Variants in NAPA observed in about 807,000 individuals in gnomAD.
The protein encoded by NAPA is alpha-soluble NSF attachment protein.
A neutral mutation model predicts 48.0 loss-of-function variants in NAPA; 18 were observed. That is an observed-to-expected ratio of 0.38 (90% CI 0.26 to 0.56). NAPA has a LOEUF of 0.56. Ranked by LOEUF, NAPA falls within the 20% of genes least tolerant of loss-of-function variation. The pLI is 0.77. For synonymous variants in NAPA, 152 were observed against 149.9 expected, an observed-to-expected ratio of 1.01 and a Z score of -0.10; for missense variants, 315 against 385.0, an observed-to-expected ratio of 0.82 and a Z score of 1.52.
intron 3 of NAPA, chr19:47,496,916 TGA>T (rs1968440959): frequency 2.2e-6 from 1 of 452,178 alleles, no homozygotes; most frequent in East Asian, 7.0e-5. Flanking sequence ...TAAAAGGGAC[TGA>T]GAGAAGGTAC....
chr19:47,502,646 T>A (rs1006898047), intron 2 of NAPA, among the ~76,000 whole-genome samples: 1 of 152,310 alleles, frequency 6.6e-6, no homozygotes. Flanking sequence ...CTTGCCGTAT[T>A]TCCTTAATTC....
At chr19:47,491,374 TGTGTGTGTG>T (rs1300900336) in intron 8 of NAPA, 1 of 157,684 alleles carries the variant, frequency 6.3e-6, no homozygotes, top group African/African-American at 2.4e-5. Context: ...CTGTGGGGTG[TGTGTGTGTG>T]GGGTGTGTGG....
chr19:47,504,579 C>T (rs114700131), intron 1 of NAPA, among the ~76,000 whole-genome samples: 2,255 of 151,612 alleles, frequency 0.015, 40 homozygotes, highest in Middle Eastern at 0.054. Flanking sequence ...CTGGACATCC[C>T]GTATTTGTAC....
chr19:47,500,361 T>G (rs1384756010), intron 3 of NAPA, among the ~76,000 whole-genome samples: 1 of 152,150 alleles, frequency 6.6e-6, no homozygotes, highest in Non-Finnish European at 1.5e-5. Flanking sequence ...CACTCCCAAA[T>G]GCTCCGGGAT....
Position 47,515,057 on chromosome 19 carries a change from G to T in NAPA, c.-117C>A. On this transcript the variant is annotated 5_prime_UTR_variant, in exon 1 of 11. Coordinates refer to ENST00000263354, the MANE Select transcript of NAPA (RefSeq NM_003827.4). The stretch of plus-strand genomic sequence containing the variant: ...CGCCCGGCTGCGTTGACGTCGCACC[G>T]GCGCGCGTCGCTTGCGGCCAGGAAC... 1.9e-6 allele frequency: 2 copies of T among 1,052,562 alleles called. No homozygotes were observed. Among genetic ancestry groups the T allele is most frequent in the South Asian group, 3.0e-5 (2 of 66,158 alleles). The allele number at this position is 1,052,562 out of a possible 1,614,324, so 65.2% of individuals were successfully genotyped here. A position where few individuals can be genotyped will look rare whatever the true frequency, so the allele number is the denominator to read the frequency against.
downstream of NAPA, chr19:47,487,624 G>C (rs1212330342): frequency 6.6e-6 from 1 of 152,402 alleles, no homozygotes; most frequent in African/African-American, 2.4e-5. Flanking sequence ...CAGAGGTGAG[G>C]AGGAAGAGAG....
chr19:47,514,844 C>CA lies in NAPA; in HGVS notation c.96dup (p.Gly33TrpfsTer70). On this transcript the variant is annotated frameshift_variant and splice_region_variant, in exon 1 of 11. Transcript: ENST00000263354. LOFTEE classifies it high-confidence loss of function. ...CCGACCCCTCAGCCCGGTTCTCACC[C>CA]AAAGAGGCCAGAGAAGAAGGACTGC... 6.2e-7 allele frequency: 1 copy of CA among 1,613,830 alleles called. No homozygotes were observed. Among genetic ancestry groups the CA allele is most frequent in the Non-Finnish European group, 8.5e-7 (1 of 1,179,868 alleles).
rs754311460 is a variant in NAPA, at chr19:47,500,638, G to A, written c.290C>T (p.Pro97Leu). 1.2e-6 allele frequency: 2 copies of A among 1,608,000 alleles called. No individual in the cohort carries two copies. The highest frequency in any genetic ancestry group is 1.1e-5 in the South Asian group (1 of 90,124). ...DAGNAFKKAD[P>L]QEAINCLMRA... ...TGGCCCGCAGAGGCCCTCACCTTGG[G>A]GGTCGGCTTTCTTGAATGCGTTGCC... Residue 97 changes from proline (P) to leucine (L), a missense_variant, in exon 3 of 11, where the codon CCC (proline) becomes CTC (leucine). This residue lies in a region of NAPA where 173 missense variants were observed against 213.5 expected (regional missense o/e 0.81). Coordinates refer to ENST00000263354, the MANE Select transcript of NAPA (RefSeq NM_003827.4).
At chr19:47,502,827 G>T (rs1399459191) in intron 2 of NAPA, among the ~76,000 whole-genome samples, 1 of 152,188 alleles carries the variant, frequency 6.6e-6, no homozygotes, top group Non-Finnish European at 1.5e-5. Context: ...TGCCTCACTG[G>T]GGCAGGTTAA....
rs1202189523 is a variant in NAPA at position 47,492,166 on chromosome 19, A to C, written c.562-47T>G. On this transcript the variant is annotated intron_variant, in intron 7 of 10. Transcript: ENST00000263354. The stretch of plus-strand genomic sequence containing the variant: ...ACTGGTGAGCTCAGGGCAAGCAGCC[A>C]GAGGGCCAGAGCCACTGCCAGGCAC... The C allele has an allele frequency of 2.6e-6, 4 of 1,541,248 alleles. No homozygotes were observed. The South Asian group carries it at 4.6e-5, about 18-fold the overall frequency.
At chr19:47,514,361 G>C (rs915449933) in intron 1 of NAPA, among the ~76,000 whole-genome samples, 3 of 151,970 alleles carry the variant, frequency 2.0e-5, no homozygotes, top group African/African-American at 4.8e-5. Context: ...TCAGTCCCTC[G>C]GGCAGGCGTC....
chr19:47,500,568 A>C (rs1968550002), intron 3 of NAPA, 65 bp downstream of exon 3: 6 of 1,315,794 alleles, frequency 4.6e-6, no homozygotes, highest in Middle Eastern at 2.6e-4. Context: ...AACCTGAGGA[A>C]TCAATGCAGG....
Position 47,493,280 on chromosome 19 carries a change from C to T in NAPA, c.421-106G>A. 1 of 1,483,554 alleles carries T rather than the reference C, an allele frequency of 6.7e-7. No individual in the cohort carries two copies. 91.9% of individuals were successfully genotyped at this position (1,483,554 alleles called of 1,614,324 possible). A position where few individuals can be genotyped will look rare whatever the true frequency, so the allele number is the denominator to read the frequency against. The stretch of plus-strand genomic sequence containing the variant: ...CCTGCCTGCCTGGGACACAGCCAGA[C>T]CCCATTCTCCAAGCTCTGCCGGCGC... On this transcript the variant is annotated intron_variant, in intron 5 of 10. Coordinates refer to ENST00000263354, the MANE Select transcript of NAPA (RefSeq NM_003827.4). This position sits in a 1 kb window ranked among gnomAD's most constrained non-coding sequence, Gnocchi z 6.4.
chr19:47,488,248 G>T lies in NAPA; in HGVS notation c.*40C>A, dbSNP rs1599886159. ...TCTCGGCCCCACCTCTCTCTGAGCA[G>T]ATGGGACAGGAAGACGGGCACTGGG... On this transcript the variant is annotated 3_prime_UTR_variant, in exon 11 of 11. Transcript: ENST00000263354. 6.4e-7 allele frequency: 1 copy of T among 1,556,614 alleles called. No homozygotes were observed.
Position 47,515,029 on chromosome 19 carries a change from A to C in NAPA, c.-89T>G, listed in dbSNP as rs547307041. On this transcript the variant is annotated 5_prime_UTR_variant, in exon 1 of 11. Coordinates refer to ENST00000263354, the MANE Select transcript of NAPA (RefSeq NM_003827.4). ...GGGCCGCGGAACACAGATCGGTAAA[A>C]CTCGCCCGGCTGCGTTGACGTCGCA... 7.5e-6 allele frequency: 10 copies of C among 1,335,978 alleles called. No individual in the cohort carries two copies. The highest frequency in any genetic ancestry group is 5.1e-5 in the South Asian group (4 of 77,936). 82.8% of individuals were successfully genotyped at this position (1,335,978 alleles called of 1,614,324 possible).
In NAPA at chr19:47,488,210, G is replaced by A. The variant is rs1459591271; in HGVS notation, c.*78C>T. On this transcript the variant is annotated 3_prime_UTR_variant, in exon 11 of 11. Transcript: ENST00000263354. ...ACTCCCCAGATGGGAAAGGAGGGAA[G>A]CTCTCCAGCAAGTCTCGGCCCCACC... 2.2e-6 allele frequency: 3 copies of A among 1,363,964 alleles called. No homozygotes were observed. The highest frequency in any genetic ancestry group is 4.7e-5 in the East Asian group (2 of 42,264). The allele number at this position is 1,363,964 out of a possible 1,614,324, so 84.5% of individuals were successfully genotyped here.
chr19:47,489,558 TA>T, intron 10 of NAPA, 152 bp downstream of exon 10: 1 of 835,070 alleles, frequency 1.2e-6, no homozygotes, highest in Non-Finnish European at 1.9e-6. Context: ...GCGCTACTTG[TA>T]AGGTTTCTGG....
At chr19:47,499,396 G>A (rs1159852837) in intron 3 of NAPA, among the ~76,000 whole-genome samples, 1 of 152,216 alleles carries the variant, frequency 6.6e-6, no homozygotes, top group Non-Finnish European at 1.5e-5. Flanking sequence ...AAGGCTTGGC[G>A]GGGCAGTTTA....
Position 47,502,778 on chromosome 19 carries a change from A to G in NAPA, c.178+645T>C, listed in dbSNP as rs572205330. On this transcript the variant is annotated intron_variant, in intron 2 of 10. Transcript: ENST00000263354. ...CAGATCTCCAGCCTCCCTGAGCCCAAGGGGCTCCTCCCCACCCCTCTCCTC... is the reference window on the plus strand; with the variant it reads ...CAGATCTCCAGCCTCCCTGAGCCCAGGGGGCTCCTCCCCACCCCTCTCCTC... Among the ~76,000 whole-genome samples the G allele has an allele frequency of 7.2e-5, 11 of 152,334 alleles. No homozygotes were observed. The South Asian group carries it at 1.7e-3, about 23-fold the overall frequency.
Sources: allele counts gnomAD v4.1 joint callset (sites outside exome capture counted in the v4.1 genomes callset), GRCh38; gene constraint gnomAD v4.1.1; regional missense constraint gnomAD v4.1.1; non-coding constraint Gnocchi (gnomAD v3.1); transcripts MANE v1.5; gene names NCBI Gene and HGNC (gene_info 2026-07-23, HGNC 2026-07-21).